PTK2B: variants seen among roughly 807,000 people sequenced by gnomAD.
PTK2B encodes protein tyrosine kinase 2 beta, also known as protein-tyrosine kinase 2-beta.
In PTK2B, 71 loss-of-function variants were observed where a neutral mutation model predicts 142.9. The ratio of observed to expected loss-of-function variants is 0.50; its 90% CI spans 0.41 to 0.61. The LOEUF (loss-of-function observed/expected upper bound fraction) is 0.61. Among genes scored for constraint, PTK2B ranks in the 20% least tolerant of loss-of-function variants. PTK2B has a pLI of 0.00. For missense variants in PTK2B, 1,105 were observed against 1,320.4 expected, an observed-to-expected ratio of 0.84 and a Z score of 2.53; for synonymous variants, 519 against 503.4, an observed-to-expected ratio of 1.03 and a Z score of -0.42.
At chr8:27,349,762 C>T (rs1804936103) in intron 1 of PTK2B, among the ~76,000 whole-genome samples, 1 of 152,188 alleles carries the variant, frequency 6.6e-6, no homozygotes. Context: ...CTCATTTTTG[C>T]ACCTGTAAAA....
chr8:27,373,610 A>G (rs986101965), intron 1 of PTK2B, among the ~76,000 whole-genome samples: 2 of 152,094 alleles, frequency 1.3e-5, no homozygotes, highest in African/African-American at 4.8e-5. Context: ...TGAGGCCAGA[A>G]GTTGGAGGTT....
At chr8:27,358,850 C>G (rs1805532404) in intron 1 of PTK2B, among the ~76,000 whole-genome samples, 1 of 151,988 alleles carries the variant, frequency 6.6e-6, no homozygotes, top group Non-Finnish European at 1.5e-5. Context: ...AAAAATAAAA[C>G]CTAATAATAG....
In PTK2B at chr8:27,458,353, G is replaced by T. The variant is rs767034912; in HGVS notation, c.2874G>T (p.Arg958=). Residue 958 remains arginine, a synonymous_variant, in exon 31 of 31, where the codon CGG becomes CGT. Transcript: ENST00000346049. ...TGGCAGAGCTCATCAACAAGATGCGGCTGGCACAGCAGAACGCCGTGACCT... is the reference window on the plus strand; with the variant it reads ...TGGCAGAGCTCATCAACAAGATGCGTCTGGCACAGCAGAACGCCGTGACCT... The part of the protein sequence containing the change: ...KDLAELINKM[R]LAQQNAVTSL... 4 of 1,614,044 alleles carry T rather than the reference G, an allele frequency of 2.5e-6. No homozygotes were observed. The East Asian group carries it at 8.9e-5, about 36-fold the overall frequency.
At chr8:27,434,044 G>A (rs1361670044) in intron 11 of PTK2B, 49 bp from the exon 12 acceptor site, 8 of 1,597,782 alleles carry the variant, frequency 5.0e-6, no homozygotes, top group East Asian at 2.2e-5. Context: ...CACCCATCCA[G>A]GTCCCTGTGT....
chr8:27,417,441 G>A lies in PTK2B; in HGVS notation c.205-2454G>A, dbSNP rs73681120. ...GACTGGAGAGGCGGGAGGTAGTGGG[G>A]CCATGAGGGTGGACTGAGAAGGGAT... On this transcript the variant is annotated intron_variant, in intron 2 of 30. Coordinates refer to ENST00000346049, the MANE Select transcript of PTK2B (RefSeq NM_173176.3). 2.3e-3 allele frequency among the ~76,000 whole-genome samples: 342 copies of A among 151,240 alleles called. 3 individuals are homozygous for A. The highest frequency in any genetic ancestry group is 8.1e-3 in the African/African-American group (334 of 41,470).
intron 1 of PTK2B, among the ~76,000 whole-genome samples, chr8:27,339,730 A>G (rs1218737652): frequency 6.6e-6 from 1 of 152,198 alleles, no homozygotes; most frequent in African/African-American, 2.4e-5. Flanking sequence ...GTTGGGGATC[A>G]GGGGGTCAGG....
At chr8:27,418,692 T>C (rs881188) in intron 2 of PTK2B, among the ~76,000 whole-genome samples, 55,629 of 152,042 alleles carry the variant, frequency 0.37, 10,597 homozygotes, top group Middle Eastern at 0.46. Flanking sequence ...GTGAGCTCAA[T>C]TCACCAACAA....
chr8:27,382,232 G>A (rs928467978), intron 1 of PTK2B, among the ~76,000 whole-genome samples: 1 of 152,170 alleles, frequency 6.6e-6, no homozygotes, highest in Non-Finnish European at 1.5e-5. Context: ...ATAGGTGTGA[G>A]CCACCACACC....
chr8:27,437,664 C>A, intron 17 of PTK2B, 101 bp from the exon 18 acceptor site: 1 of 1,302,588 alleles, frequency 7.7e-7, no homozygotes, highest in Non-Finnish European at 1.1e-6. Context: ...GTTTGTCTCC[C>A]ACCGCCCCCA....
chr8:27,399,593 G>A (rs1211394622), intron 2 of PTK2B, among the ~76,000 whole-genome samples: 1 of 152,114 alleles, frequency 6.6e-6, no homozygotes, highest in Non-Finnish European at 1.5e-5. Context: ...GTGTTTAAGG[G>A]ATGAAAGTAA....
intron 27 of PTK2B, chr8:27,451,887 T>A: frequency 1.8e-6 from 1 of 552,320 alleles, no homozygotes; most frequent in Non-Finnish European, 2.5e-6. Flanking sequence ...TCATCTTCTG[T>A]AGGCCTGAGG....
intron 1 of PTK2B, among the ~76,000 whole-genome samples, chr8:27,352,509 A>T (rs1340116965): frequency 6.6e-6 from 1 of 152,112 alleles, no homozygotes; most frequent in Non-Finnish European, 1.5e-5. Flanking sequence ...ACACTTGTAA[A>T]CTTCTTTTTG....
intron 1 of PTK2B, among the ~76,000 whole-genome samples, chr8:27,383,783 T>C (rs1459379428): frequency 1.3e-5 from 2 of 151,734 alleles, no homozygotes; most frequent in Non-Finnish European, 2.9e-5. Flanking sequence ...CCTCCTGGGC[T>C]CAACTGATCC....
In PTK2B at chr8:27,436,315, T is replaced by C; in HGVS notation, c.1308T>C (p.Phe436=). ...ATCGTATTCTTGGGGAAGGCTTTTT[T>C]GGGGAGGTCTATGAAGGTGTCTACA... is the stretch of plus-strand genomic sequence containing the variant. ...VLNRILGEGF[F]GEVYEGVYTN... The change falls in exon 15 of 31, where the codon TTT becomes TTC. Residue 436 remains phenylalanine, a synonymous_variant. Coordinates refer to ENST00000346049, the MANE Select transcript of PTK2B (RefSeq NM_173176.3). 3.1e-6 allele frequency: 5 copies of C among 1,614,148 alleles called. No individual in the cohort carries two copies. The highest frequency in any genetic ancestry group is 4.2e-6 in the Non-Finnish European group (5 of 1,180,000).
In PTK2B at chr8:27,440,206, A is replaced by C. The variant is rs369815958; in HGVS notation, c.1835-31A>C. The C allele has an allele frequency of 9.2e-4, 1,480 of 1,608,804 alleles. 4 individuals carry two copies. Among genetic ancestry groups the C allele is most frequent in the South Asian group, 2.4e-3 (214 of 90,946 alleles). On this transcript the variant is annotated intron_variant, in intron 20 of 30. Transcript: ENST00000346049. ...TGGGTGGGAGGGACTGGTCTCCCCC[A>C]CCCAGGGCCTGACGCTCCCTTACAC...
chr8:27,397,917 CAG>C (rs1425371422), intron 2 of PTK2B, 129 bp downstream of exon 2: 3 of 1,169,008 alleles, frequency 2.6e-6, no homozygotes, highest in African/African-American at 3.1e-5. Context: ...GAGGTGGCAT[CAG>C]AGAGATGTGC....
At chr8:27,438,607 A>G (rs943279867) in intron 18 of PTK2B, among the ~76,000 whole-genome samples, 5 of 152,200 alleles carry the variant, frequency 3.3e-5, no homozygotes, top group African/African-American at 1.2e-4. Flanking sequence ...ACCTGTGTTC[A>G]GGGAAGTGGT....
rs1465972184 is a variant in PTK2B at position 27,325,653 on chromosome 8, A to T, written c.-66A>T. The T allele has an allele frequency of 6.6e-6, 1 of 152,276 alleles. No individual in the cohort carries two copies. Among genetic ancestry groups the T allele is most frequent in the African/African-American group, 2.4e-5 (1 of 41,434 alleles). 9.4% of individuals were successfully genotyped at this position (152,276 alleles called of 1,614,324 possible). ...CCGGCTCACCTGGCGGTGCCCGAGG[A>T]GTAGTCGCTGGAGTCCGCGCCTCCC... On this transcript the variant is annotated 5_prime_UTR_variant, in exon 1 of 31. Coordinates refer to ENST00000346049, the MANE Select transcript of PTK2B (RefSeq NM_173176.3).
At chr8:27,333,987 C>T (rs1026183755) in intron 1 of PTK2B, among the ~76,000 whole-genome samples, 1 of 151,714 alleles carries the variant, frequency 6.6e-6, no homozygotes, top group African/African-American at 2.4e-5. Flanking sequence ...CTCCTGGCTT[C>T]TCTCCTCTTC....
Sources: allele counts gnomAD v4.1 joint callset (sites outside exome capture counted in the v4.1 genomes callset), GRCh38; gene constraint gnomAD v4.1.1; transcripts MANE v1.5; gene names NCBI Gene and HGNC (gene_info 2026-07-23, HGNC 2026-07-21).